Variants in NOSIP observed in about 807,000 individuals in gnomAD.
NOSIP encodes the protein nitric oxide synthase-interacting protein.
A neutral mutation model predicts 36.4 loss-of-function variants in NOSIP; 25 were observed. The observed-to-expected ratio is 0.69, with a 90% CI of 0.50 to 0.96. NOSIP has a LOEUF of 0.96. NOSIP is among the 40% of genes least tolerant of loss of function. The probability of loss-of-function intolerance (pLI) is 0.00; values close to 1 mark genes in which losing one functional copy is unlikely to be tolerated. For synonymous variants in NOSIP, 187 were observed against 179.2 expected, an observed-to-expected ratio of 1.04 and a Z score of -0.35; for missense variants, 370 against 429.0, an observed-to-expected ratio of 0.86 and a Z score of 1.21.
intron 8 of NOSIP, 22 bp from the exon 9 acceptor site, chr19:49,555,844 AC>A (rs1568719058): frequency 6.2e-7 from 1 of 1,605,082 alleles, no homozygotes; most frequent in South Asian, 1.1e-5. Context: ...AGAGAGAAGG[AC>A]GAGGTAGAGG....
At chr19:49,563,018 G>A (rs1255935529) in intron 1 of NOSIP, among the ~76,000 whole-genome samples, 3 of 152,154 alleles carry the variant, frequency 2.0e-5, no homozygotes, top group Non-Finnish European at 4.4e-5. Context: ...TGTAGCTGAT[G>A]GAATCTAAAT....
intron 1 of NOSIP, among the ~76,000 whole-genome samples, chr19:49,565,739 TAG>T (rs2122830547): frequency 6.7e-6 from 1 of 150,086 alleles, no homozygotes; most frequent in South Asian, 2.1e-4. Context: ...GCCTGGGCAA[TAG>T]AGTGAGAACC....
At position 49,555,700 on chromosome 19, in the gene NOSIP, G is replaced by A. The variant is rs370740006; in HGVS notation, c.*51C>T. ...CGGGGCGCCCACGCCGCGAATGAAGGCGCCACGTCGTTGCGCACCCAAGCC... is the reference window on the plus strand; with the variant it reads ...CGGGGCGCCCACGCCGCGAATGAAGACGCCACGTCGTTGCGCACCCAAGCC... On this transcript the variant is annotated 3_prime_UTR_variant, in exon 9 of 9. Coordinates refer to ENST00000596358, the MANE Select transcript of NOSIP (RefSeq NM_001270960.2). 6.6e-7 allele frequency: 1 copy of A among 1,526,402 alleles called. No homozygotes were observed. The highest frequency in any genetic ancestry group is 1.4e-5 in the African/African-American group (1 of 73,206). The allele number at this position is 1,526,402 out of a possible 1,614,324, so 94.6% of individuals were successfully genotyped here.
intron 1 of NOSIP, among the ~76,000 whole-genome samples, chr19:49,576,330 CA>C (rs979970245): frequency 6.6e-6 from 1 of 150,666 alleles, no homozygotes; most frequent in East Asian, 2.0e-4. Flanking sequence ...CTGTCTCTAC[CA>C]AAAAAAAGCA....
chr19:49,568,905 C>A (rs544534025), intron 1 of NOSIP, among the ~76,000 whole-genome samples: 1 of 150,566 alleles, frequency 6.6e-6, no homozygotes, highest in Non-Finnish European at 1.5e-5. Flanking sequence ...CAGGTTCAAG[C>A]GATTCTCCTG....
At chr19:49,562,719 A>G (rs1363225405) in intron 1 of NOSIP, among the ~76,000 whole-genome samples, 1 of 152,084 alleles carries the variant, frequency 6.6e-6, no homozygotes, top group Admixed American at 6.6e-5. Context: ...TGTCTCTACT[A>G]AAAATACAAA....
intron 1 of NOSIP, among the ~76,000 whole-genome samples, chr19:49,561,212 C>A (rs769958131): frequency 2.6e-5 from 4 of 152,170 alleles, no homozygotes; most frequent in Non-Finnish European, 5.9e-5. Flanking sequence ...TGCCAGTCCA[C>A]TAGCGACTGG....
intron 1 of NOSIP, among the ~76,000 whole-genome samples, chr19:49,563,329 C>A (rs551850057): frequency 6.6e-6 from 1 of 151,998 alleles, no homozygotes; most frequent in South Asian, 2.1e-4. Context: ...GCATGTGCCA[C>A]CACGCCCAGC....
At chr19:49,555,901 C>A in intron 8 of NOSIP, 79 bp from the exon 9 acceptor site, 2 of 1,064,648 alleles carry the variant, frequency 1.9e-6, no homozygotes, top group Non-Finnish European at 2.9e-6. Context: ...AGTGGGGATT[C>A]CTAAGCGGGT....
At chr19:49,569,419 T>TA (rs2080456162) in intron 1 of NOSIP, among the ~76,000 whole-genome samples, 1 of 140,634 alleles carries the variant, frequency 7.1e-6, no homozygotes, top group Admixed American at 7.0e-5. Flanking sequence ...AGGATGGTCT[T>TA]GATCTCCTGA....
intron 1 of NOSIP, among the ~76,000 whole-genome samples, chr19:49,564,420 C>G (rs555759446): frequency 2.9e-5 from 4 of 140,086 alleles, no homozygotes; most frequent in Non-Finnish European, 6.0e-5. Context: ...CGCCACGGCA[C>G]TCTAGCCTAG....
At chr19:49,561,940 G>C (rs974896724) in intron 1 of NOSIP, among the ~76,000 whole-genome samples, 2 of 150,538 alleles carry the variant, frequency 1.3e-5, no homozygotes, top group Non-Finnish European at 3.0e-5. Flanking sequence ...TTATTCCTAT[G>C]TTTTCTTCTA....
At chr19:49,562,154 T>C (rs1000148676) in intron 1 of NOSIP, among the ~76,000 whole-genome samples, 1 of 152,092 alleles carries the variant, frequency 6.6e-6, no homozygotes, top group African/African-American at 2.4e-5. Context: ...GGAGTTTCAC[T>C]CTTGTTGCCC....
intron 1 of NOSIP, among the ~76,000 whole-genome samples, chr19:49,580,307 AG>A (rs2080609402): frequency 2.2e-5 from 2 of 90,004 alleles, no homozygotes; most frequent in Admixed American, 9.4e-5. Context: ...AGAGACAAAG[AG>A]AGAGAGAACT....
At chr19:49,558,650 G>A (rs1346041077) in intron 4 of NOSIP, 5 of 521,516 alleles carry the variant, frequency 9.6e-6, no homozygotes, top group East Asian at 3.1e-5. Flanking sequence ...ACAGCCACAT[G>A]TACAGCTACA....
chr19:49,555,815 G>A lies in NOSIP; in HGVS notation c.842C>T (p.Thr281Ile). Residue 281 changes from threonine (T) to isoleucine (I), a missense_variant, in exon 9 of 9, where the codon ACC (threonine) becomes ATC (isoleucine). Physicochemically the swap from Thr to Ile is moderately conservative, Grantham distance 89. Coordinates refer to ENST00000596358, the MANE Select transcript of NOSIP (RefSeq NM_001270960.2). The stretch of plus-strand genomic sequence containing the variant: ...CTTCACTCCGGAGCCCGCGAAGCCG[G>A]TACCGCCCTGGGGGAGGTAGAGAGA... ...RDIIVLQRGG[T>I]GFAGSGVKLQ... 6.2e-7 allele frequency: 1 copy of A among 1,613,426 alleles called. No homozygotes were observed. Among genetic ancestry groups the A allele is most frequent in the Non-Finnish European group, 8.5e-7 (1 of 1,179,754 alleles).
At chr19:49,576,434 G>C (rs560414930) in intron 1 of NOSIP, among the ~76,000 whole-genome samples, 3 of 151,850 alleles carry the variant, frequency 2.0e-5, no homozygotes, top group African/African-American at 7.3e-5. Flanking sequence ...AAAATTAGCC[G>C]GGCATAGTGG....
intron 1 of NOSIP, among the ~76,000 whole-genome samples, chr19:49,574,331 A>T (rs1044738581): frequency 1.3e-5 from 2 of 152,104 alleles, no homozygotes; most frequent in African/African-American, 4.8e-5. Flanking sequence ...AATTATTCAG[A>T]CTAAGTGTAA....
chr19:49,569,765 G>A (rs574110097), intron 1 of NOSIP, among the ~76,000 whole-genome samples: 50 of 151,850 alleles, frequency 3.3e-4, no homozygotes, highest in Middle Eastern at 6.8e-3. Context: ...CCAAGATCGC[G>A]CCATCGCACT....
Sources: gnomAD v4.1 joint callset for allele counts (sites outside exome capture counted in the v4.1 genomes callset) on GRCh38, gnomAD v4.1.1 for gene constraint, MANE v1.5 for transcripts, NCBI Gene and HGNC (gene_info 2026-07-23, HGNC 2026-07-21) for gene names.